Variants in PCDHGB2 observed in about 807,000 individuals in gnomAD.
PCDHGB2 encodes the protein protocadherin gamma subfamily B, 2, also known as protocadherin gamma-B2.
Under a neutral mutation model 59.3 loss-of-function variants are expected in PCDHGB2, and 55 were observed. The observed-to-expected ratio is 0.93, with a 90% CI of 0.75 to 1.16. The LOEUF is 1.16. PCDHGB2 is among the 50% of genes most tolerant of loss of function. PCDHGB2 has a pLI of 0.00. For missense variants in PCDHGB2, 1,228 were observed against 1,198.5 expected (o/e 1.02, Z -0.36); for synonymous variants, 516 against 512.0 (o/e 1.01, Z -0.11).
intron 1 of PCDHGB2, chr5:141,403,617 G>C: frequency 6.2e-7 from 1 of 1,613,856 alleles, no homozygotes; most frequent in Non-Finnish European, 8.5e-7. Flanking sequence ...GAGCCGCGTC[G>C]CTCCAGCACA....
intron 1 of PCDHGB2, chr5:141,430,575 A>T (rs1056696427): frequency 2.2e-6 from 1 of 455,822 alleles, no homozygotes; most frequent in Non-Finnish European, 3.7e-6. Flanking sequence ...AAAAGCGGAG[A>T]TCCTGCTCGC....
chr5:141,454,587 G>A (rs1000852095), intron 1 of PCDHGB2, among the ~76,000 whole-genome samples: 22 of 150,902 alleles, frequency 1.5e-4, no homozygotes, highest in African/African-American at 5.4e-4. Context: ...TGTATTTTTA[G>A]TAGAGACAGG....
At chr5:141,411,227 G>A (rs1276536852) in intron 1 of PCDHGB2, 1 of 152,092 alleles carries the variant, frequency 6.6e-6, no homozygotes, top group Non-Finnish European at 1.5e-5. Context: ...TCAAATTTGC[G>A]AAGACTTAGT....
Position 141,486,320 on chromosome 5 carries a change from G to A in PCDHGB2, c.2422-8487G>A, listed in dbSNP as rs764851576. The stretch of plus-strand genomic sequence containing the variant: ...GCAGGATCCAGACTCAGGGTCAAAC[G>A]GAGATGTGAGCCTCCGCATTCCTGA... On this transcript the variant is annotated intron_variant, in intron 1 of 3. Coordinates refer to ENST00000522605, the MANE Select transcript of PCDHGB2 (RefSeq NM_018923.3). This position sits in a 1 kb window ranked among gnomAD's most constrained non-coding sequence, Gnocchi z 5.0. The A allele has an allele frequency of 6.2e-7, 1 of 1,614,010 alleles. No individual in the cohort carries two copies. Among genetic ancestry groups the A allele is most frequent in the South Asian group, 1.1e-5 (1 of 91,060 alleles).
At chr5:141,366,166 C>T (rs764048783) in intron 1 of PCDHGB2, 1 of 1,614,076 alleles carries the variant, frequency 6.2e-7, no homozygotes. Flanking sequence ...TTAAGGCCAG[C>T]GAGCCAGGAC....
chr5:141,428,344 G>T (rs970552377), intron 1 of PCDHGB2: 3 of 596,498 alleles, frequency 5.0e-6, no homozygotes, highest in Non-Finnish European at 6.1e-6. Flanking sequence ...CTTCTTCCTC[G>T]CAGTGATTTT....
At chr5:141,375,038 G>T in intron 1 of PCDHGB2, 1 of 1,614,038 alleles carries the variant, frequency 6.2e-7, no homozygotes, top group Non-Finnish European at 8.5e-7. Context: ...TGAGCTGGGT[G>T]TTGAAGCCCG....
At chr5:141,500,417 G>A in intron 2 of PCDHGB2, among the ~76,000 whole-genome samples, 1 of 151,736 alleles carries the variant, frequency 6.6e-6, no homozygotes, top group East Asian at 2.0e-4. Flanking sequence ...CACCGTGTTA[G>A]CCAGGATGGT....
chr5:141,408,377 C>T (rs1322642798), intron 1 of PCDHGB2: 4 of 1,613,902 alleles, frequency 2.5e-6, no homozygotes, highest in Non-Finnish European at 3.4e-6. Context: ...GCTCAGTGTC[C>T]TGGATGTGTC....
In PCDHGB2 at chr5:141,477,806, G is replaced by T; in HGVS notation, c.2422-17001G>T. ...ATTTGTCACTGATCGCAATGACAAT[G>T]CCCCCCAGGTCCTATATCCTCGGCC... On this transcript the variant is annotated intron_variant, in intron 1 of 3. Coordinates refer to ENST00000522605, the MANE Select transcript of PCDHGB2 (RefSeq NM_018923.3). The surrounding 1 kb of genome is among the most constrained non-coding windows in gnomAD (Gnocchi z 4.9). 6.2e-7 allele frequency: 1 copy of T among 1,614,118 alleles called. No homozygotes were observed. The highest frequency in any genetic ancestry group is 8.5e-7 in the Non-Finnish European group (1 of 1,180,036).
chr5:141,431,622 C>T lies in PCDHGB2; in HGVS notation c.2422-63185C>T, dbSNP rs761448407. 3 of 1,614,070 alleles carry T rather than the reference C, an allele frequency of 1.9e-6. No individual in the cohort carries two copies. The African/African-American group carries it at 4.0e-5, about 22-fold the overall frequency. ...TCCTTCCGGTATGTGGACGACAAGGCGGCCCAAGTTTTCAAACTAGATTGT... is the reference window on the plus strand; with the variant it reads ...TCCTTCCGGTATGTGGACGACAAGGTGGCCCAAGTTTTCAAACTAGATTGT... On this transcript the variant is annotated intron_variant, in intron 1 of 3. Transcript: ENST00000522605. The surrounding 1 kb of genome is among the most constrained non-coding windows in gnomAD (Gnocchi z 4.8).
intron 1 of PCDHGB2, among the ~76,000 whole-genome samples, chr5:141,450,267 C>T (rs971441306): frequency 4.6e-5 from 7 of 152,106 alleles, no homozygotes; most frequent in African/African-American, 1.7e-4. Context: ...ATCTGCCCAC[C>T]TCAGCTAAGT....
chr5:141,407,471 A>G (rs1343289603), intron 1 of PCDHGB2, among the ~76,000 whole-genome samples: 1 of 146,104 alleles, frequency 6.8e-6, no homozygotes, highest in African/African-American at 2.5e-5. Context: ...AGATGACTGA[A>G]TGGAGTATGG....
rs143362044 is a variant in PCDHGB2, at chr5:141,511,092, C to T, written c.2715C>T (p.Asn905=). The T allele has an allele frequency of 4.5e-5, 73 of 1,614,088 alleles. No homozygotes were observed. Among genetic ancestry groups the T allele is most frequent in the Admixed American group, 1.5e-4 (9 of 60,012 alleles). ...YIPGSNATLT[N]AAGKRDGKAP... is the part of the protein sequence containing the mutation. ...CAGGCAGCAATGCCACACTGACCAA[C>T]GCAGCTGGCAAGCGGGATGGCAAGG... The change falls in exon 4 of 4, where the codon AAC becomes AAT. Residue 905 remains asparagine, a synonymous_variant. Coordinates refer to ENST00000522605, the MANE Select transcript of PCDHGB2 (RefSeq NM_018923.3).
Position 141,422,537 on chromosome 5 carries a change from C to T in PCDHGB2, c.2421+59981C>T, listed in dbSNP as rs993210917. 2.5e-6 allele frequency: 4 copies of T among 1,613,874 alleles called. No individual in the cohort carries two copies. Among genetic ancestry groups the T allele is most frequent in the Non-Finnish European group, 3.4e-6 (4 of 1,179,894 alleles). ...GGAAGCCCGCCTTTGTCTGCAGAAA[C>T]TCATGTCTGGCTGAATGTGGCAGAT... is the stretch of plus-strand genomic sequence containing the variant. On this transcript the variant is annotated intron_variant, in intron 1 of 3. Coordinates refer to ENST00000522605, the MANE Select transcript of PCDHGB2 (RefSeq NM_018923.3).
chr5:141,412,093 GCA>G (rs1252719565), intron 1 of PCDHGB2: 2 of 152,146 alleles, frequency 1.3e-5, no homozygotes, highest in Non-Finnish European at 2.9e-5. Flanking sequence ...GGGTTGATGG[GCA>G]CACACAGTTG....
chr5:141,399,131 A>T, intron 1 of PCDHGB2: 1 of 1,613,856 alleles, frequency 6.2e-7, no homozygotes, highest in African/African-American at 1.3e-5. Context: ...AATATTCAAG[A>T]TGAAAATGAC....
intron 1 of PCDHGB2, chr5:141,433,096 C>G: frequency 3.1e-6 from 5 of 1,614,118 alleles, no homozygotes; most frequent in Non-Finnish European, 4.2e-6. Flanking sequence ...CAGACATGCT[C>G]GTCAGCCAGG....
chr5:141,468,952 G>GA (rs2099186671), intron 1 of PCDHGB2, among the ~76,000 whole-genome samples: 1 of 151,198 alleles, frequency 6.6e-6, no homozygotes. Context: ...TAAACCTGTG[G>GA]TTTTTTTTAC....
Sources: allele counts gnomAD v4.1 joint callset (sites outside exome capture counted in the v4.1 genomes callset), GRCh38; gene constraint gnomAD v4.1.1; non-coding constraint Gnocchi (gnomAD v3.1); transcripts MANE v1.5; gene names NCBI Gene and HGNC (gene_info 2026-07-23, HGNC 2026-07-21).